The following ANKFN1 variants were observed in gnomAD, a reference collection of about 807,000 sequenced individuals.
ANKFN1 encodes the protein ankyrin repeat and fibronectin type-III domain-containing protein 1.
A neutral mutation model predicts 108.7 loss-of-function variants in ANKFN1; 74 were observed. The observed-to-expected ratio is 0.68, with a 90% confidence interval of 0.56 to 0.83. ANKFN1 has a LOEUF of 0.83. ANKFN1 is among the 40% of genes least tolerant of loss of function. The pLI is 0.00. For missense variants in ANKFN1, 1,505 were observed against 1,382.3 expected (o/e 1.09, Z -1.41); for synonymous variants, 547 against 516.2 (o/e 1.06, Z -0.81).
chr17:56,357,023 CA>C, intron 6 of ANKFN1, among the ~76,000 whole-genome samples: 1 of 152,064 alleles, frequency 6.6e-6, no homozygotes, highest in East Asian at 1.9e-4. Context: ...CTAGTTAAAC[CA>C]AAAGCAAATT....
chr17:56,406,014 G>T (rs1238516569), intron 8 of ANKFN1, among the ~76,000 whole-genome samples: 1 of 151,622 alleles, frequency 6.6e-6, no homozygotes, highest in Non-Finnish European at 1.5e-5. Context: ...ATGTAGATCT[G>T]TTTAAAACAT....
At chr17:56,335,593 T>C (rs1487649818) in intron 4 of ANKFN1, among the ~76,000 whole-genome samples, 2 of 152,226 alleles carry the variant, frequency 1.3e-5, no homozygotes, top group African/African-American at 4.8e-5. Context: ...TGAAGTTGCT[T>C]ATCAGCTTAA....
chr17:56,208,326 A>G (rs576283509), intron 1 of ANKFN1, among the ~76,000 whole-genome samples: 1 of 152,312 alleles, frequency 6.6e-6, no homozygotes, highest in African/African-American at 2.4e-5. Flanking sequence ...CGGCCGTTAG[A>G]CAAGGTTTCT....
In ANKFN1 at chr17:56,515,931, T is replaced by C. The variant is rs959624914; in HGVS notation, c.*4662T>C. Among the ~76,000 whole-genome samples, 2 of 152,226 alleles carry C rather than the reference T, an allele frequency of 1.3e-5. No individual in the cohort carries two copies. The highest frequency in any genetic ancestry group is 4.8e-5 in the African/African-American group (2 of 41,456). ...TATTGTGATAAAGGAAGTAGATTTG[T>C]TGTTGTTTTAAATATTATCATAGGG... On this transcript the variant is annotated 3_prime_UTR_variant, in exon 21 of 21. Coordinates refer to ENST00000682825, the MANE Select transcript of ANKFN1 (RefSeq NM_001370326.1).
At chr17:56,238,888 G>T (rs977536820) in intron 3 of ANKFN1, among the ~76,000 whole-genome samples, 25 of 152,098 alleles carry the variant, frequency 1.6e-4, no homozygotes, top group African/African-American at 6.0e-4. Flanking sequence ...GAGCAGTGAG[G>T]GTAGGAAGTG....
chr17:56,515,004 G>A lies in ANKFN1; in HGVS notation c.*3735G>A, dbSNP rs1201906244. Among the ~76,000 whole-genome samples, 1 of 151,940 alleles carries A rather than the reference G, an allele frequency of 6.6e-6. No individual in the cohort carries two copies. The highest frequency in any genetic ancestry group is 1.5e-5 in the Non-Finnish European group (1 of 67,982). On this transcript the variant is annotated 3_prime_UTR_variant, in exon 21 of 21. Coordinates refer to ENST00000682825, the MANE Select transcript of ANKFN1 (RefSeq NM_001370326.1). Reference sequence around the variant, plus strand: ...GAGGCATCCCAGAAAATACCTGCTTGGCCTCCTCTGGTTCTTCATCCTGCA... The same window carrying A: ...GAGGCATCCCAGAAAATACCTGCTTAGCCTCCTCTGGTTCTTCATCCTGCA...
chr17:56,091,171 G>A (rs144289004), intron 4 of ANKFN1, among the ~76,000 whole-genome samples: 2 of 151,064 alleles, frequency 1.3e-5, no homozygotes, highest in Admixed American at 6.6e-5. Flanking sequence ...ATGGTAGAAC[G>A]TGAAAGAGAG....
intron 8 of ANKFN1, among the ~76,000 whole-genome samples, chr17:56,430,933 T>C (rs1480468420): frequency 2.6e-5 from 4 of 152,168 alleles, no homozygotes; most frequent in Admixed American, 6.5e-5. Flanking sequence ...GACATTTACA[T>C]TGATGGCTGA....
intron 4 of ANKFN1, among the ~76,000 whole-genome samples, chr17:56,073,151 T>C (rs9911296): frequency 0.69 from 104,043 of 151,082 alleles, 36,295 homozygotes; most frequent in Middle Eastern, 0.76. Flanking sequence ...CGCCACTACG[T>C]CTGGCTAATT....
intron 4 of ANKFN1, among the ~76,000 whole-genome samples, chr17:56,128,933 G>A (rs1012620517): frequency 1.3e-5 from 2 of 152,256 alleles, no homozygotes; most frequent in African/African-American, 2.4e-5. Context: ...AGCTGCCTGC[G>A]TGGTCTGTCT....
chr17:56,374,858 A>G, intron 8 of ANKFN1, 144 bp downstream of exon 8: 1 of 644,302 alleles, frequency 1.6e-6, no homozygotes, highest in Non-Finnish European at 2.7e-6. Context: ...AAATATTTCC[A>G]TAGGCACTCA....
At chr17:56,183,016 A>T (rs371623966) in intron 1 of ANKFN1, among the ~76,000 whole-genome samples, 13 of 152,206 alleles carry the variant, frequency 8.5e-5, no homozygotes, top group Admixed American at 8.5e-4. Context: ...CTATTGAAAC[A>T]TGCTGCTCAG....
chr17:56,144,167 A>AT, intron 4 of ANKFN1, among the ~76,000 whole-genome samples: 1 of 116,192 alleles, frequency 8.6e-6, no homozygotes, highest in Non-Finnish European at 1.9e-5. Flanking sequence ...AAAAAAAAAA[A>AT]AAAAAAAAAA....
At chr17:56,109,017 A>G (rs1418889745) in intron 4 of ANKFN1, among the ~76,000 whole-genome samples, 2 of 152,198 alleles carry the variant, frequency 1.3e-5, no homozygotes, top group Non-Finnish European at 2.9e-5. Flanking sequence ...GTTAACACAT[A>G]GGCTTTAAAG....
At chr17:56,479,674 C>T (rs1275560514) in intron 16 of ANKFN1, among the ~76,000 whole-genome samples, 1 of 152,194 alleles carries the variant, frequency 6.6e-6, no homozygotes, top group Non-Finnish European at 1.5e-5. Context: ...GGTTTTCTGA[C>T]CCACAGATTG....
At chr17:56,078,249 C>T (rs913010195) in intron 4 of ANKFN1, among the ~76,000 whole-genome samples, 1 of 152,162 alleles carries the variant, frequency 6.6e-6, no homozygotes, top group African/African-American at 2.4e-5. Context: ...TCCCCTACTC[C>T]ATCATTTTCC....
At chr17:56,295,197 G>A (rs1259608437) in intron 3 of ANKFN1, among the ~76,000 whole-genome samples, 4 of 152,178 alleles carry the variant, frequency 2.6e-5, no homozygotes, top group African/African-American at 7.2e-5. Context: ...TGAAAGACTC[G>A]GTTTGAAGTG....
intron 2 of ANKFN1, among the ~76,000 whole-genome samples, chr17:56,216,440 G>A (rs937741028): frequency 6.6e-6 from 1 of 152,114 alleles, no homozygotes; most frequent in Non-Finnish European, 1.5e-5. Context: ...ATTCAGAGTC[G>A]GATCATAATG....
At chr17:56,111,981 T>C (rs1905990178) in intron 4 of ANKFN1, among the ~76,000 whole-genome samples, 1 of 152,228 alleles carries the variant, frequency 6.6e-6, no homozygotes, top group Non-Finnish European at 1.5e-5. Context: ...CTGGGCTATA[T>C]ATTTTTACTT....
Sources: allele counts gnomAD v4.1 joint callset (sites outside exome capture counted in the v4.1 genomes callset), GRCh38; gene constraint gnomAD v4.1.1; transcripts MANE v1.5; gene names NCBI Gene and HGNC (gene_info 2026-07-23, HGNC 2026-07-21).